The following ZNF385D variants were observed in gnomAD, a reference collection of about 807,000 sequenced individuals.
ZNF385D encodes zinc finger protein 659.
In ZNF385D, 15 loss-of-function variants were observed where a neutral mutation model predicts 35.8. The observed-to-expected ratio is 0.42, with a 90% CI of 0.28 to 0.64. The LOEUF is 0.64. Ranked by LOEUF, ZNF385D falls within the 30% of genes least tolerant of loss-of-function variation. ZNF385D has a pLI of 0.23. For synonymous variants in ZNF385D, 212 were observed against 186.8 expected (o/e 1.13, Z -1.10); for missense variants, 474 against 494.6 (o/e 0.96, Z 0.39).
intron 3 of ZNF385D, among the ~76,000 whole-genome samples, chr3:21,768,473 G>A (rs1178912822): frequency 6.6e-6 from 1 of 151,826 alleles, no homozygotes; most frequent in Non-Finnish European, 1.5e-5. Context: ...GGAGTCTATT[G>A]AAGGCTTCAA....
intron 3 of ZNF385D, among the ~76,000 whole-genome samples, chr3:22,121,085 C>T (rs1167110995): frequency 6.6e-6 from 1 of 152,126 alleles, no homozygotes; most frequent in Non-Finnish European, 1.5e-5. Context: ...CTGGTTGTTG[C>T]CTACTGTGAA....
rs183058022 is a variant in ZNF385D at position 21,748,532 on chromosome 3, C to G, written c.22+2363G>C. Reference sequence around the variant, plus strand: ...CATAGCATCACCATGCTCTTCATCACGCTCTGCTGGGGACACAAATAAAGG... The same window carrying G: ...CATAGCATCACCATGCTCTTCATCAGGCTCTGCTGGGGACACAAATAAAGG... On this transcript the variant is annotated intron_variant, in intron 1 of 7. Coordinates refer to ENST00000281523, the MANE Select transcript of ZNF385D (RefSeq NM_024697.3). 9.5e-3 allele frequency among the ~76,000 whole-genome samples: 1,443 copies of G among 152,292 alleles called. 16 individuals carry two copies. The highest frequency in any genetic ancestry group is 0.012 in the Non-Finnish European group (798 of 68,026).
intron 1 of ZNF385D, among the ~76,000 whole-genome samples, chr3:21,680,208 CACAA>C (rs1005828203): frequency 5.9e-5 from 9 of 152,038 alleles, no homozygotes; most frequent in Non-Finnish European, 8.8e-5. Context: ...CGTTCTTTCT[CACAA>C]ACATTCATTC....
At chr3:22,023,356 G>C (rs1697336476) in intron 3 of ZNF385D, among the ~76,000 whole-genome samples, 1 of 152,112 alleles carries the variant, frequency 6.6e-6, no homozygotes, top group Non-Finnish European at 1.5e-5. Flanking sequence ...TCAGGACTGA[G>C]TAAACATGCT....
At chr3:21,721,164 G>A (rs1450495182) in intron 1 of ZNF385D, among the ~76,000 whole-genome samples, 1 of 151,770 alleles carries the variant, frequency 6.6e-6, no homozygotes, top group Non-Finnish European at 1.5e-5. Flanking sequence ...CCCCTCCATT[G>A]CTATACTGGT....
At chr3:21,481,901 A>G (rs1242498756) in intron 4 of ZNF385D, among the ~76,000 whole-genome samples, 1 of 152,120 alleles carries the variant, frequency 6.6e-6, no homozygotes, top group Admixed American at 6.6e-5. Context: ...TCCCTGTTCC[A>G]AATAGCAAAT....
At chr3:22,092,008 T>G (rs17586688) in intron 3 of ZNF385D, among the ~76,000 whole-genome samples, 11,509 of 152,244 alleles carry the variant, frequency 0.076, 588 homozygotes, top group Non-Finnish European at 0.11. Context: ...ATACCTTCAC[T>G]TTCAGGAAGA....
At chr3:21,708,826 C>T (rs564311565) in intron 1 of ZNF385D, among the ~76,000 whole-genome samples, 31 of 151,360 alleles carry the variant, frequency 2.0e-4, no homozygotes, top group African/African-American at 7.3e-4. Context: ...TTTAATTAAG[C>T]CAATAATTAA....
chr3:22,354,646 G>C (rs1231829742), intron 2 of ZNF385D, among the ~76,000 whole-genome samples: 1 of 151,854 alleles, frequency 6.6e-6, no homozygotes, highest in Non-Finnish European at 1.5e-5. Context: ...ATATCCATCA[G>C]GCACGTTGTC....
intron 2 of ZNF385D, among the ~76,000 whole-genome samples, chr3:22,254,735 G>A (rs1025779936): frequency 6.6e-6 from 1 of 151,766 alleles, no homozygotes; most frequent in African/African-American, 2.4e-5. Context: ...TAATATGCCA[G>A]CATTACTTCT....
rs140972158 is a variant in ZNF385D at position 22,308,786 on chromosome 3, T to C, written c.106+63664A>G. Among the ~76,000 whole-genome samples the C allele has an allele frequency of 6.1e-3, 933 of 152,268 alleles. 12 individuals are homozygous for C. Among genetic ancestry groups the C allele is most frequent in the African/African-American group, 0.02 (845 of 41,580 alleles). On this transcript the variant is annotated intron_variant, in intron 2 of 5. Transcript: ENST00000494108. The stretch of plus-strand genomic sequence containing the variant: ...GGAGATTTTAAACAATGACTTACAC[T>C]AACATTATCATTCAGAATATGAATT...
At chr3:22,095,682 T>A (rs1344079591) in intron 3 of ZNF385D, among the ~76,000 whole-genome samples, 1 of 152,084 alleles carries the variant, frequency 6.6e-6, no homozygotes, top group Non-Finnish European at 1.5e-5. Flanking sequence ...TTAATTTTGA[T>A]GCTATTTGTG....
intron 3 of ZNF385D, among the ~76,000 whole-genome samples, chr3:21,543,591 C>T (rs1455723580): frequency 1.3e-5 from 2 of 152,112 alleles, no homozygotes; most frequent in Non-Finnish European, 2.9e-5. Context: ...CTACTCCATC[C>T]GACAGTAATT....
chr3:21,799,294 G>T (rs556617949), intron 3 of ZNF385D, among the ~76,000 whole-genome samples: 1 of 152,104 alleles, frequency 6.6e-6, no homozygotes, highest in Admixed American at 6.6e-5. Context: ...GTTTTCTTTT[G>T]GGGATCTACC....
chr3:21,914,854 T>C (rs1381672194), intron 3 of ZNF385D, among the ~76,000 whole-genome samples: 2 of 151,660 alleles, frequency 1.3e-5, no homozygotes, highest in Admixed American at 1.3e-4. Context: ...AATCCAACAA[T>C]GTTGTGGTAA....
At chr3:22,325,483 G>A (rs180804713) in intron 2 of ZNF385D, among the ~76,000 whole-genome samples, 2 of 152,212 alleles carry the variant, frequency 1.3e-5, no homozygotes, top group Non-Finnish European at 2.9e-5. Flanking sequence ...TGGGCCATCG[G>A]ACAGGCACGG....
At chr3:21,802,233 GTA>G (rs1293418477) in intron 3 of ZNF385D, among the ~76,000 whole-genome samples, 1 of 152,092 alleles carries the variant, frequency 6.6e-6, no homozygotes, top group Non-Finnish European at 1.5e-5. Context: ...GAATAATTTA[GTA>G]TATATTTAAA....
chr3:22,103,444 G>A (rs531572345), intron 3 of ZNF385D, among the ~76,000 whole-genome samples: 1 of 152,204 alleles, frequency 6.6e-6, no homozygotes, highest in South Asian at 2.1e-4. Context: ...ACCCCAGGAT[G>A]CCCTAGAGAT....
chr3:21,855,829 A>G (rs1185028648), intron 3 of ZNF385D, among the ~76,000 whole-genome samples: 1 of 152,016 alleles, frequency 6.6e-6, no homozygotes, highest in East Asian at 1.9e-4. Context: ...ACTCTTCATA[A>G]TAATGAATTG....
Sources: allele counts gnomAD v4.1 joint callset (sites outside exome capture counted in the v4.1 genomes callset), GRCh38; gene constraint gnomAD v4.1.1; transcripts MANE v1.5; gene names NCBI Gene and HGNC (gene_info 2026-07-23, HGNC 2026-07-21).